Variants in PALS2 observed in about 807,000 individuals in gnomAD.
The protein encoded by PALS2 is protein PALS2.
In PALS2, 27 loss-of-function variants were observed where a neutral mutation model predicts 61.6. The observed-to-expected ratio is 0.44, with a 90% CI of 0.32 to 0.60. The LOEUF (loss-of-function observed/expected upper bound fraction) is 0.60. PALS2 is among the 20% of genes least tolerant of loss of function. PALS2 has a pLI of 0.05. For synonymous variants in PALS2, 236 were observed against 218.6 expected (o/e 1.08, Z -0.70); for missense variants, 554 against 639.4 (o/e 0.87, Z 1.44).
In PALS2 at chr7:24,691,870, C is replaced by T. The variant is rs868177581; in HGVS notation, c.*4256C>T. 6.6e-6 allele frequency: 1 copy of T among 151,876 alleles called. No individual in the cohort carries two copies. The highest frequency in any genetic ancestry group is 1.5e-5 in the Non-Finnish European group (1 of 67,924). 9.4% of individuals were successfully genotyped at this position (151,876 alleles called of 1,614,324 possible). On this transcript the variant is annotated 3_prime_UTR_variant, in exon 12 of 12. Transcript: ENST00000222644. The stretch of plus-strand genomic sequence containing the variant: ...GTATTTGGAATTTTTGGGAGAAATT[C>T]ATTCTTTTAAATAATGGGATTATTG...
chr7:24,580,819 G>T (rs568305211), intron 1 of PALS2, among the ~76,000 whole-genome samples: 2 of 152,184 alleles, frequency 1.3e-5, no homozygotes, highest in African/African-American at 2.4e-5. Flanking sequence ...CATAGTTAAT[G>T]CTGATGTAAA....
In PALS2 at chr7:24,582,559, G is replaced by A. The variant is rs190812288; in HGVS notation, c.-3+8966G>A. On this transcript the variant is annotated intron_variant, in intron 1 of 11. Coordinates refer to ENST00000222644, the MANE Select transcript of PALS2 (RefSeq NM_001303037.2). ...AACATTGATTTTTTTTTCATTAACTGTAATAAATATTATTTGAAGTTTGAA... is the reference window on the plus strand; with the variant it reads ...AACATTGATTTTTTTTTCATTAACTATAATAAATATTATTTGAAGTTTGAA... Among the ~76,000 whole-genome samples, 180 of 151,838 alleles carry A rather than the reference G, an allele frequency of 1.2e-3. 1 individual carries two copies. The highest frequency in any genetic ancestry group is 5.6e-3 in the Admixed American group (85 of 15,264).
rs777865648 is a variant in PALS2, at chr7:24,679,217, G to A, written c.1201G>A (p.Ala401Thr). 6.2e-7 allele frequency: 1 copy of A among 1,614,014 alleles called. No individual in the cohort carries two copies. The highest frequency in any genetic ancestry group is 1.1e-5 in the South Asian group (1 of 91,078). The change falls in exon 10 of 12, where the codon GCT becomes ACT. Residue 401 changes from alanine (A) to threonine (T), a missense_variant. By Grantham distance (58) the Ala-to-Thr change is moderately conservative. Coordinates refer to ENST00000222644, the MANE Select transcript of PALS2 (RefSeq NM_001303037.2). ...SRSEMEADIKAGKYLEHGEYE... is the reference protein window; with the variant it reads ...SRSEMEADIKTGKYLEHGEYE... ...ATCTGAGATGGAAGCAGATATTAAAGCTGGAAAGTATTTGGAACATGGGGA... is the reference window on the plus strand; with the variant it reads ...ATCTGAGATGGAAGCAGATATTAAAACTGGAAAGTATTTGGAACATGGGGA...
intron 5 of PALS2, among the ~76,000 whole-genome samples, chr7:24,659,054 C>A (rs1029299630): frequency 2.0e-5 from 3 of 152,036 alleles, no homozygotes; most frequent in African/African-American, 4.8e-5. Flanking sequence ...CTCTTTGTGT[C>A]GATATGTACT....
At chr7:24,581,634 C>T (rs1458595554) in intron 1 of PALS2, among the ~76,000 whole-genome samples, 1 of 152,150 alleles carries the variant, frequency 6.6e-6, no homozygotes, top group African/African-American at 2.4e-5. Context: ...GAAGGTGTTG[C>T]TACTACTATG....
chr7:24,590,227 A>G (rs918255501), intron 1 of PALS2, among the ~76,000 whole-genome samples: 10 of 152,116 alleles, frequency 6.6e-5, no homozygotes, highest in South Asian at 6.2e-4. Flanking sequence ...AGATTTTTCA[A>G]TCTTACCTGC....
intron 3 of PALS2, among the ~76,000 whole-genome samples, chr7:24,642,778 A>G (rs1785629985): frequency 1.3e-5 from 2 of 152,192 alleles, no homozygotes; most frequent in Admixed American, 6.5e-5. Context: ...CAAAAGAAAT[A>G]TGGACACATA....
chr7:24,643,822 A>G (rs1404553416), intron 3 of PALS2, among the ~76,000 whole-genome samples: 1 of 152,146 alleles, frequency 6.6e-6, no homozygotes, highest in Non-Finnish European at 1.5e-5. Context: ...TGATGATTCA[A>G]GTTGATTATT....
chr7:24,625,369 A>G (rs945235951), intron 2 of PALS2, among the ~76,000 whole-genome samples: 4 of 152,224 alleles, frequency 2.6e-5, no homozygotes, highest in African/African-American at 4.8e-5. Flanking sequence ...ACAAATGTTT[A>G]TAGTTTGCAA....
intron 9 of PALS2, 141 bp downstream of exon 9, chr7:24,668,801 C>T: frequency 1.9e-6 from 2 of 1,045,712 alleles, no homozygotes; most frequent in Non-Finnish European, 2.7e-6. Flanking sequence ...AAGTAAAAGA[C>T]ATTGAAAAAT....
intron 2 of PALS2, among the ~76,000 whole-genome samples, chr7:24,627,410 G>A (rs192076520): frequency 2.5e-4 from 38 of 152,206 alleles, no homozygotes; most frequent in African/African-American, 9.2e-4. Flanking sequence ...GGAGAAAGCA[G>A]GAAAGATCTA....
At chr7:24,593,772 A>G (rs1783392077) in intron 1 of PALS2, among the ~76,000 whole-genome samples, 1 of 152,114 alleles carries the variant, frequency 6.6e-6, no homozygotes, top group African/African-American at 2.4e-5. Flanking sequence ...AAGTGCTGTC[A>G]TCAAGGTTTT....
At chr7:24,684,757 C>CT (rs1788108063) in intron 11 of PALS2, among the ~76,000 whole-genome samples, 1 of 151,998 alleles carries the variant, frequency 6.6e-6, no homozygotes, top group South Asian at 2.1e-4. Context: ...TTATATTTGC[C>CT]TTTTTTTCCT....
At chr7:24,605,122 A>G (rs983663708) in intron 1 of PALS2, among the ~76,000 whole-genome samples, 1 of 152,202 alleles carries the variant, frequency 6.6e-6, no homozygotes, top group African/African-American at 2.4e-5. Flanking sequence ...CTTCATGCCA[A>G]TATTATCAGA....
intron 3 of PALS2, among the ~76,000 whole-genome samples, chr7:24,645,112 C>T (rs1785764002): frequency 6.6e-6 from 1 of 152,108 alleles, no homozygotes. Flanking sequence ...GTTTCTTTTG[C>T]TGTGCAGAAG....
chr7:24,685,309 T>C (rs1788138371), intron 11 of PALS2, among the ~76,000 whole-genome samples: 1 of 152,224 alleles, frequency 6.6e-6, no homozygotes, highest in East Asian at 1.9e-4. Flanking sequence ...ATGGCTGTAA[T>C]TTGAATTTAA....
At chr7:24,659,961 C>A (rs940538870) in intron 5 of PALS2, among the ~76,000 whole-genome samples, 1 of 152,190 alleles carries the variant, frequency 6.6e-6, no homozygotes, top group Non-Finnish European at 1.5e-5. Context: ...AACTTAGAGA[C>A]CATCAGGCTT....
intron 1 of PALS2, among the ~76,000 whole-genome samples, chr7:24,584,705 G>A (rs2128040873): frequency 6.6e-6 from 1 of 152,100 alleles, no homozygotes; most frequent in Admixed American, 6.5e-5. Context: ...TGTTGCCATT[G>A]CTTTTGGTGT....
chr7:24,691,731 C>A lies in PALS2; in HGVS notation c.*4117C>A, dbSNP rs1407445512. 1 of 151,760 alleles carries A rather than the reference C, an allele frequency of 6.6e-6. No individual in the cohort carries two copies. The highest frequency in any genetic ancestry group is 2.4e-5 in the African/African-American group (1 of 41,382). The allele number at this position is 151,760 out of a possible 1,614,324, so 9.4% of individuals were successfully genotyped here. A position where few individuals can be genotyped will look rare whatever the true frequency, so the allele number is the denominator to read the frequency against. On this transcript the variant is annotated 3_prime_UTR_variant, in exon 12 of 12. Transcript: ENST00000222644. ...CTGGATGGAAACCCCTTTGGAAATTCTTATTTAAACTTTTGAATGAATCTT... is the reference window on the plus strand; with the variant it reads ...CTGGATGGAAACCCCTTTGGAAATTATTATTTAAACTTTTGAATGAATCTT...
Sources: gnomAD v4.1 joint callset for allele counts (sites outside exome capture counted in the v4.1 genomes callset) on GRCh38, gnomAD v4.1.1 for gene constraint, MANE v1.5 for transcripts, NCBI Gene and HGNC (gene_info 2026-07-23, HGNC 2026-07-21) for gene names.